Variants in PLXDC2 observed in about 807,000 individuals in gnomAD.
PLXDC2 encodes plexin domain-containing protein 2.
Under a neutral mutation model 68.9 loss-of-function variants are expected in PLXDC2, and 40 were observed. The observed-to-expected ratio is 0.58, with a 90% CI of 0.45 to 0.76. PLXDC2 has a LOEUF of 0.76. Ranked by LOEUF, PLXDC2 falls within the 30% of genes least tolerant of loss-of-function variation. PLXDC2 has a pLI of 0.00. For synonymous variants in PLXDC2, 243 were observed against 234.2 expected, an observed-to-expected ratio of 1.04 and a Z score of -0.34; for missense variants, 644 against 661.9, an observed-to-expected ratio of 0.97 and a Z score of 0.30.
chr10:20,103,648 CTT>C (rs35831990), intron 4 of PLXDC2, among the ~76,000 whole-genome samples: 25 of 139,188 alleles, frequency 1.8e-4, no homozygotes, highest in East Asian at 4.1e-4. Flanking sequence ...TTTTTTTTTT[CTT>C]TTTTTTTTTT....
chr10:20,160,931 G>C (rs978572534), intron 6 of PLXDC2, among the ~76,000 whole-genome samples: 3 of 152,160 alleles, frequency 2.0e-5, no homozygotes, highest in Non-Finnish European at 4.4e-5. Context: ...TGAGGCTGCA[G>C]TGAGCTATGA....
At chr10:20,192,803 A>G (rs1419485921) in intron 9 of PLXDC2, among the ~76,000 whole-genome samples, 1 of 152,112 alleles carries the variant, frequency 6.6e-6, no homozygotes, top group Non-Finnish European at 1.5e-5. Context: ...AAGTTATCTA[A>G]AATAACAAAG....
intron 6 of PLXDC2, among the ~76,000 whole-genome samples, chr10:20,156,155 A>G (rs1484304974): frequency 6.6e-6 from 1 of 152,020 alleles, no homozygotes; most frequent in African/African-American, 2.4e-5. Flanking sequence ...TTATCTAGCT[A>G]TTGTCCCAGG....
intron 1 of PLXDC2, among the ~76,000 whole-genome samples, chr10:19,981,087 G>A (rs557382733): frequency 6.6e-6 from 1 of 152,104 alleles, no homozygotes; most frequent in African/African-American, 2.4e-5. Flanking sequence ...TTTCTCAGCT[G>A]TTTGACATTT....
At chr10:20,078,557 C>T (rs1836492509) in intron 4 of PLXDC2, among the ~76,000 whole-genome samples, 9 of 152,004 alleles carry the variant, frequency 5.9e-5, no homozygotes, top group Admixed American at 5.9e-4. Flanking sequence ...AATCAAGATA[C>T]AATATTGTAA....
intron 1 of PLXDC2, among the ~76,000 whole-genome samples, chr10:19,927,660 C>A (rs371018416): frequency 4.7e-4 from 67 of 142,792 alleles, no homozygotes; most frequent in African/African-American, 1.7e-3. Flanking sequence ...CGAGATTGCC[C>A]ACTGCACGCC....
rs952470022 is a variant in PLXDC2, at chr10:20,280,438, T to A, written c.*619T>A. 8 of 152,262 alleles carry A rather than the reference T, an allele frequency of 5.3e-5. No homozygotes were observed. Among genetic ancestry groups the A allele is most frequent in the African/African-American group, 1.9e-4 (8 of 41,464 alleles). The allele number at this position is 152,262 out of a possible 1,614,324, so 9.4% of individuals were successfully genotyped here. On this transcript the variant is annotated 3_prime_UTR_variant, in exon 14 of 14. Transcript: ENST00000377252. ...AGTTCATCACTTTACAGAACGAATC[T>A]TTTTATCCGTACAGGAGGTTCAAAC...
chr10:20,051,796 T>C (rs1835906581), intron 3 of PLXDC2, among the ~76,000 whole-genome samples: 2 of 151,976 alleles, frequency 1.3e-5, no homozygotes, highest in African/African-American at 2.4e-5. Flanking sequence ...CCAGGGACCA[T>C]GCTTGGACTC....
intron 1 of PLXDC2, among the ~76,000 whole-genome samples, chr10:19,877,673 G>T (rs867501819): frequency 6.6e-6 from 1 of 152,218 alleles, no homozygotes; most frequent in South Asian, 2.1e-4. Context: ...CGGCGTTCCC[G>T]AATGACCTAA....
chr10:20,091,069 C>T (rs559914366), intron 4 of PLXDC2, among the ~76,000 whole-genome samples: 12 of 152,248 alleles, frequency 7.9e-5, no homozygotes, highest in African/African-American at 2.6e-4. Context: ...CCCCACACCC[C>T]GGTTTTAAAA....
chr10:20,088,196 G>A (rs537404222), intron 4 of PLXDC2, among the ~76,000 whole-genome samples: 7 of 152,306 alleles, frequency 4.6e-5, no homozygotes, highest in Admixed American at 3.3e-4. Flanking sequence ...GGTCCCTAAT[G>A]TGTAGAGTAA....
intron 4 of PLXDC2, among the ~76,000 whole-genome samples, chr10:20,118,918 G>GA (rs1833657432): frequency 7.2e-6 from 1 of 139,634 alleles, no homozygotes; most frequent in South Asian, 2.4e-4. Flanking sequence ...TTACATTGAA[G>GA]CCTTTTTTTT....
chr10:20,139,969 G>A (rs561420931), intron 4 of PLXDC2, among the ~76,000 whole-genome samples: 9 of 152,114 alleles, frequency 5.9e-5, no homozygotes, highest in Admixed American at 1.3e-4. Context: ...AAACCTGCAC[G>A]TTCTGCACAA....
chr10:19,951,771 T>C (rs188149095), intron 1 of PLXDC2, among the ~76,000 whole-genome samples: 1 of 152,202 alleles, frequency 6.6e-6, no homozygotes, highest in East Asian at 1.9e-4. Flanking sequence ...GGGGATTGGA[T>C]AAAGAAAATG....
intron 12 of PLXDC2, among the ~76,000 whole-genome samples, chr10:20,226,064 A>G (rs1258936593): frequency 6.6e-6 from 1 of 152,222 alleles, no homozygotes; most frequent in Non-Finnish European, 1.5e-5. Flanking sequence ...TATTTGACCA[A>G]AAGAAGAATA....
chr10:19,885,823 A>C (rs1292343541), intron 1 of PLXDC2, among the ~76,000 whole-genome samples: 4 of 152,094 alleles, frequency 2.6e-5, no homozygotes, highest in Admixed American at 2.0e-4. Flanking sequence ...CTTAGGATTG[A>C]CTTGGCGATG....
chr10:19,846,813 T>A (rs1169710598), intron 1 of PLXDC2, among the ~76,000 whole-genome samples: 1 of 152,134 alleles, frequency 6.6e-6, no homozygotes, highest in East Asian at 1.9e-4. Flanking sequence ...GTTTTCACAC[T>A]GCTAAGAGAG....
chr10:20,003,578 G>A (rs1002659969), intron 2 of PLXDC2, among the ~76,000 whole-genome samples: 1 of 152,060 alleles, frequency 6.6e-6, no homozygotes, highest in South Asian at 2.1e-4. Context: ...GATTACAGGT[G>A]TGCACCACCA....
intron 1 of PLXDC2, among the ~76,000 whole-genome samples, chr10:19,847,007 T>C (rs1837021976): frequency 6.6e-6 from 1 of 152,094 alleles, no homozygotes; most frequent in East Asian, 1.9e-4. Context: ...TTGAGACTTA[T>C]TCACTGTCAG....
Sources: gnomAD v4.1 joint callset for allele counts (sites outside exome capture counted in the v4.1 genomes callset) on GRCh38, gnomAD v4.1.1 for gene constraint, MANE v1.5 for transcripts, NCBI Gene and HGNC (gene_info 2026-07-23, HGNC 2026-07-21) for gene names.